The following CCZ1 variants were observed in gnomAD, a reference collection of about 807,000 sequenced individuals.
CCZ1 encodes vacuolar fusion protein CCZ1 homolog.
Under a neutral mutation model 57.8 loss-of-function variants are expected in CCZ1, and 19 were observed. The observed-to-expected ratio is 0.33, with a 90% CI of 0.23 to 0.48. CCZ1 has a LOEUF of 0.48. CCZ1 is among the 20% of genes least tolerant of loss of function. The pLI is 0.99. For missense variants in CCZ1, 200 were observed against 492.0 expected, an observed-to-expected ratio of 0.41 and a Z score of 5.61; for synonymous variants, 81 against 167.0, an observed-to-expected ratio of 0.49 and a Z score of 3.97.
Position 5,900,654 on chromosome 7 carries a change from G to C in CCZ1, c.312+88G>C, listed in dbSNP as rs993650676. On this transcript the variant is annotated intron_variant, in intron 3 of 14. Coordinates refer to ENST00000325974, the MANE Select transcript of CCZ1 (RefSeq NM_015622.6). ...GTTCAGAATTTAGGAAAGTTCTCTG[G>C]CTGTTGCATCCAAGTAAAATTAAAA... 2.5e-5 allele frequency: 32 copies of C among 1,300,058 alleles called. 2 individuals are homozygous for C. In the African/African-American group the frequency reaches 4.5e-4, roughly 18 times the overall value. 80.5% of individuals were successfully genotyped at this position (1,300,058 alleles called of 1,614,324 possible).
Position 5,926,013 on chromosome 7 carries a change from T to G in CCZ1, c.*326T>G. 2.2e-6 allele frequency: 1 copy of G among 460,740 alleles called. No homozygotes were observed. 28.5% of individuals were successfully genotyped at this position (460,740 alleles called of 1,614,324 possible). A position where few individuals can be genotyped will look rare whatever the true frequency, so the allele number is the denominator to read the frequency against. On this transcript the variant is annotated 3_prime_UTR_variant, in exon 15 of 15. Coordinates refer to ENST00000325974, the MANE Select transcript of CCZ1 (RefSeq NM_015622.6). ...TTGAGTCTCTCTCCTGCTGCCTATTTATAGATTACACTGGCCACCAGCTCC... is the reference window on the plus strand; with the variant it reads ...TTGAGTCTCTCTCCTGCTGCCTATTGATAGATTACACTGGCCACCAGCTCC...
At position 5,900,757 on chromosome 7, in the gene CCZ1, T is replaced by C. The variant is rs529750743; in HGVS notation, c.313-98T>C. On this transcript the variant is annotated intron_variant, in intron 3 of 14. Transcript: ENST00000325974. ...CTTGGGGCTGTTTTAAGAAGCTATG[T>C]TTCTGATGCTGTAGCATGTTCAAAG... 3.8e-6 allele frequency: 6 copies of C among 1,581,104 alleles called. No homozygotes were observed. The South Asian group carries it at 5.9e-5, about 15-fold the overall frequency.
Position 5,909,121 on chromosome 7 carries a change from T to A in CCZ1, c.699-914T>A, listed in dbSNP as rs550781952. 6.7e-3 allele frequency among the ~76,000 whole-genome samples: 973 copies of A among 144,880 alleles called. 63 individuals are homozygous for A. Among genetic ancestry groups the A allele is most frequent in the African/African-American group, 0.024 (927 of 39,162 alleles). Reference sequence around the variant, plus strand: ...TCCCTTGTGACTTTTTTTTTTTTTTTATCTCAAATGGCATGTAAAATACAG... The same window carrying A: ...TCCCTTGTGACTTTTTTTTTTTTTTAATCTCAAATGGCATGTAAAATACAG... On this transcript the variant is annotated intron_variant, in intron 7 of 14. Coordinates refer to ENST00000325974, the MANE Select transcript of CCZ1 (RefSeq NM_015622.6).
rs1169858564 is a variant in CCZ1, at chr7:5,925,839, G to C, written c.*152G>C. The C allele has an allele frequency of 4.2e-6, 5 of 1,188,398 alleles. No homozygotes were observed. The African/African-American group carries it at 7.4e-5, about 18-fold the overall frequency. The allele number at this position is 1,188,398 out of a possible 1,614,324, so 73.6% of individuals were successfully genotyped here. A position where few individuals can be genotyped will look rare whatever the true frequency, so the allele number is the denominator to read the frequency against. The stretch of plus-strand genomic sequence containing the variant: ...ACATTTCGACTCGGTCTGCTGATCT[G>C]AGGTTTTTAGATTTTAAATATTTAT... On this transcript the variant is annotated 3_prime_UTR_variant, in exon 15 of 15. Transcript: ENST00000325974.
At chr7:5,906,378 A>G (rs1470648483) in intron 7 of CCZ1, among the ~76,000 whole-genome samples, 1 of 141,356 alleles carries the variant, frequency 7.1e-6, no homozygotes, top group Non-Finnish European at 1.5e-5. Context: ...GCTGGAGTAC[A>G]GTGGCGCGAT....
intron 10 of CCZ1, among the ~76,000 whole-genome samples, chr7:5,914,737 G>A (rs929670506): frequency 6.7e-5 from 10 of 148,276 alleles, no homozygotes; most frequent in Non-Finnish European, 1.3e-4. Flanking sequence ...TCAGCCAGGC[G>A]AGGTGGCACA....
chr7:5,912,424 T>G (rs185785459), intron 9 of CCZ1, among the ~76,000 whole-genome samples: 6 of 98,966 alleles, frequency 6.1e-5, no homozygotes, highest in South Asian at 5.0e-4. Context: ...ATGGAGTGTC[T>G]CTCTGTCGCT....
chr7:5,906,842 A>G (rs1333299433), intron 7 of CCZ1, among the ~76,000 whole-genome samples: 1 of 150,676 alleles, frequency 6.6e-6, no homozygotes, highest in Non-Finnish European at 1.5e-5. Flanking sequence ...TAGGAAGACA[A>G]CAGAAATTTC....
intron 3 of CCZ1, 105 bp from the exon 4 acceptor site, chr7:5,900,750 A>G: frequency 6.4e-7 from 1 of 1,573,126 alleles, no homozygotes; most frequent in Non-Finnish European, 8.6e-7. Context: ...TGTTTTAAGA[A>G]GCTATGTTTC....
chr7:5,913,973 C>G lies in CCZ1; in HGVS notation c.954+1019C>G, dbSNP rs571445134. Among the ~76,000 whole-genome samples the G allele has an allele frequency of 3.7e-5, 5 of 133,762 alleles. 1 individual carries two copies. The highest frequency in any genetic ancestry group is 1.3e-4 in the African/African-American group (5 of 37,860). 87.8% of individuals were successfully genotyped at this position (133,762 alleles called of 152,430 possible). A position where few individuals can be genotyped will look rare whatever the true frequency, so the allele number is the denominator to read the frequency against. On this transcript the variant is annotated intron_variant, in intron 10 of 14. Coordinates refer to ENST00000325974, the MANE Select transcript of CCZ1 (RefSeq NM_015622.6). ...TGGCATTTCTTTCTCCCAGACAGAA[C>G]TGAGACCTTCATCCTACACTCAGAG...
intron 8 of CCZ1, chr7:5,910,375 T>G (rs1781941235): frequency 1.1e-5 from 4 of 361,824 alleles, no homozygotes; most frequent in Non-Finnish European, 1.4e-5. Context: ...TTTTTGTTTG[T>G]TTGGTTTTTG....
At chr7:5,905,063 T>C (rs751320126) in intron 6 of CCZ1, 31 bp from the exon 7 acceptor site, 2 of 1,594,880 alleles carry the variant, frequency 1.3e-6, no homozygotes, top group Non-Finnish European at 1.7e-6. Flanking sequence ...GTACTATTAG[T>C]AAATTTTATG....
chr7:5,924,374 A>G (rs1779313266), intron 14 of CCZ1, among the ~76,000 whole-genome samples: 2 of 88,196 alleles, frequency 2.3e-5, no homozygotes, highest in East Asian at 2.3e-4. Flanking sequence ...ACAGGCATGT[A>G]TCACCAAGGC....
At position 5,905,914 on chromosome 7, in the gene CCZ1, T is replaced by TC. The variant is rs1173917919; in HGVS notation, c.698+645_698+646insC. ...AGAATTTTTATACCTTTTTTTTTTT[T>TC]TTTCTTTCTTATAGAGACGGGGTTT... On this transcript the variant is annotated intron_variant, in intron 7 of 14. Transcript: ENST00000325974. 8.0e-5 allele frequency among the ~76,000 whole-genome samples: 11 copies of TC among 138,146 alleles called. 1 individual carries two copies. The South Asian group carries it at 2.6e-3, about 32-fold the overall frequency. 90.6% of individuals were successfully genotyped at this position (138,146 alleles called of 152,430 possible).
chr7:5,911,356 C>T (rs1352269579), intron 8 of CCZ1, among the ~76,000 whole-genome samples: 3 of 148,774 alleles, frequency 2.0e-5, no homozygotes, highest in Admixed American at 6.6e-5. Flanking sequence ...TTTTAAGAGA[C>T]GAGGTCTCAC....
rs878873197 is a variant in CCZ1, at chr7:5,915,404, G to A, written c.954+2450G>A. 7.4e-4 allele frequency among the ~76,000 whole-genome samples: 101 copies of A among 135,816 alleles called. 1 individual carries two copies. Among genetic ancestry groups the A allele is most frequent in the Admixed American group, 1.1e-3 (13 of 12,028 alleles). 89.1% of individuals were successfully genotyped at this position (135,816 alleles called of 152,430 possible). On this transcript the variant is annotated intron_variant, in intron 10 of 14. Coordinates refer to ENST00000325974, the MANE Select transcript of CCZ1 (RefSeq NM_015622.6). ...CCTCCTTTGAATGACCCAGGTAATG[G>A]CTGAAATCTCCATAACCCTGGTGTG...
At chr7:5,905,900 AC>A (rs1487902325) in intron 7 of CCZ1, among the ~76,000 whole-genome samples, 2 of 63,770 alleles carry the variant, frequency 3.1e-5, no homozygotes, top group Admixed American at 2.2e-4. Flanking sequence ...GAATTTTTAT[AC>A]CTTTTTTTTT....
intron 6 of CCZ1, among the ~76,000 whole-genome samples, chr7:5,903,332 T>G (rs1480356105): frequency 1.4e-5 from 2 of 143,216 alleles, no homozygotes; most frequent in Non-Finnish European, 3.0e-5. Context: ...TTGTCTTGGT[T>G]GTTTTGCCCA....
At chr7:5,920,788 A>C (rs1311530210) in intron 12 of CCZ1, among the ~76,000 whole-genome samples, 1 of 98,186 alleles carries the variant, frequency 1.0e-5, no homozygotes, top group Non-Finnish European at 2.1e-5. Context: ...ATCTTTTCTC[A>C]ATATAAAATA....
Sources: allele counts gnomAD v4.1 joint callset (sites outside exome capture counted in the v4.1 genomes callset), GRCh38; gene constraint gnomAD v4.1.1; transcripts MANE v1.5; gene names NCBI Gene and HGNC (gene_info 2026-07-23, HGNC 2026-07-21).